SNX24: variants seen among roughly 807,000 people sequenced by gnomAD.
SNX24 encodes sorting nexin-24.
SNX24 carries 22 observed loss-of-function variants against 28.7 expected under a neutral mutation model. The observed-to-expected ratio is 0.77, with a 90% CI of 0.55 to 1.10. SNX24 has a LOEUF of 1.10. Among genes scored for constraint, SNX24 ranks in the 50% least tolerant of loss-of-function variants. The pLI is 0.00. For synonymous variants in SNX24, 69 were observed against 71.5 expected, an observed-to-expected ratio of 0.96 and a Z score of 0.18; for missense variants, 221 against 201.1, an observed-to-expected ratio of 1.10 and a Z score of -0.60.
chr5:122,913,047 C>T (rs1461639653), intron 1 of SNX24, among the ~76,000 whole-genome samples: 3 of 152,184 alleles, frequency 2.0e-5, no homozygotes, highest in African/African-American at 7.2e-5. Context: ...CATAGATCAA[C>T]AGGATCCCAA....
chr5:122,910,946 T>C (rs59118888), intron 1 of SNX24, among the ~76,000 whole-genome samples: 15,961 of 152,094 alleles, frequency 0.1, 1,215 homozygotes, highest in East Asian at 0.36. Flanking sequence ...CATGTGTCTT[T>C]ATAGCAGCAT....
At chr5:122,959,273 TTA>T (rs1261767335) in intron 3 of SNX24, among the ~76,000 whole-genome samples, 1 of 151,100 alleles carries the variant, frequency 6.6e-6, no homozygotes, top group African/African-American at 2.4e-5. Flanking sequence ...TTCATTTAGG[TTA>T]TACGATTTTT....
In SNX24 at chr5:122,852,440, C is replaced by A. The variant is rs571702602; in HGVS notation, c.60+6747C>A. Among the ~76,000 whole-genome samples, 4 of 152,020 alleles carry A rather than the reference C, an allele frequency of 2.6e-5. No individual in the cohort carries two copies. The South Asian group carries it at 8.3e-4, about 32-fold the overall frequency. ...TCACTGCAGTCTTGACCTCCCCAGG[C>A]TCAGGTGATTCCGCCACCTCAGCCT... On this transcript the variant is annotated intron_variant, in intron 1 of 6. Transcript: ENST00000261369.
intron 2 of SNX24, among the ~76,000 whole-genome samples, chr5:122,945,749 T>C (rs1759654268): frequency 6.6e-6 from 1 of 152,194 alleles, no homozygotes; most frequent in Non-Finnish European, 1.5e-5. Context: ...ACTAAATTTC[T>C]TTACTTTCAT....
rs1461974337 is a variant in SNX24, at chr5:122,936,650, A to AAT, written c.61-79_61-78dup. ...TCAGCTACTGTAATTAAAGGGATGA[A>AAT]ATATATCATGGTCACAAACTTACCA... is the stretch of plus-strand genomic sequence containing the variant. On this transcript the variant is annotated intron_variant, in intron 1 of 6. Transcript: ENST00000261369. 6 of 792,096 alleles carry AAT rather than the reference A, an allele frequency of 7.6e-6. No homozygotes were observed. The Admixed American group carries it at 1.4e-4, about 18-fold the overall frequency. The allele number at this position is 792,096 out of a possible 1,614,324, so 49.1% of individuals were successfully genotyped here. A position where few individuals can be genotyped will look rare whatever the true frequency, so the allele number is the denominator to read the frequency against.
At position 122,964,247 on chromosome 5, in the gene SNX24, CAAAAAAAAAAAA is replaced by C. The variant is rs34174497; in HGVS notation, c.249+18102_249+18113del. Among the ~76,000 whole-genome samples the C allele has an allele frequency of 1.1e-3, 40 of 36,578 alleles. No homozygotes were observed. The South Asian group carries it at 0.038, about 34-fold the overall frequency. The allele number at this position is 36,578 out of a possible 152,430, so 24.0% of individuals were successfully genotyped here. A position where few individuals can be genotyped will look rare whatever the true frequency, so the allele number is the denominator to read the frequency against. On this transcript the variant is annotated intron_variant, in intron 3 of 6. Transcript: ENST00000261369. ...GGGCGACAAGAACAAGACTCCATCT[CAAAAAAAAAAAA>C]AAAAAAAAAAAAAGAACAATAGTTC...
intron 1 of SNX24, among the ~76,000 whole-genome samples, chr5:122,904,937 G>A (rs1188251142): frequency 6.6e-6 from 1 of 152,162 alleles, no homozygotes; most frequent in East Asian, 1.9e-4. Flanking sequence ...CCACTCATGA[G>A]CCACCACACA....
In SNX24 at chr5:122,845,754, G is replaced by C. The variant is rs953450701; in HGVS notation, c.60+61G>C. On this transcript the variant is annotated intron_variant, in intron 1 of 6. Coordinates refer to ENST00000261369, the MANE Select transcript of SNX24 (RefSeq NM_014035.4). ...GCCAGGCCTGCGGCTGCTGCGCCCA[G>C]GAAACACCCTTGGCCGCCGCCGCCT... 1.2e-5 allele frequency: 13 copies of C among 1,083,212 alleles called. No individual in the cohort carries two copies. In the African/African-American group the frequency reaches 1.9e-4, roughly 16 times the overall value. 67.1% of individuals were successfully genotyped at this position (1,083,212 alleles called of 1,614,324 possible).
chr5:122,909,210 T>G (rs2150087169), intron 1 of SNX24, among the ~76,000 whole-genome samples: 1 of 152,276 alleles, frequency 6.6e-6, no homozygotes, highest in African/African-American at 2.4e-5. Flanking sequence ...TATGTTAGAA[T>G]GAGGGGTTTT....
At chr5:122,888,615 TG>T (rs1756818515) in intron 1 of SNX24, among the ~76,000 whole-genome samples, 2 of 152,186 alleles carry the variant, frequency 1.3e-5, no homozygotes, top group Admixed American at 1.3e-4. Context: ...GCTCAATATC[TG>T]GTTTCTTGGC....
intron 3 of SNX24, among the ~76,000 whole-genome samples, chr5:122,969,576 G>T (rs983715519): frequency 1.3e-4 from 20 of 152,124 alleles, no homozygotes; most frequent in African/African-American, 4.8e-4. Flanking sequence ...GTTCCAGAGT[G>T]CCTTTCATGT....
chr5:123,001,161 A>C (rs984008368), intron 4 of SNX24, among the ~76,000 whole-genome samples: 2 of 152,254 alleles, frequency 1.3e-5, no homozygotes, highest in African/African-American at 2.4e-5. Context: ...ATACAAGCCC[A>C]AAAGTAGTAA....
At chr5:122,928,558 A>G (rs1214135337) in intron 1 of SNX24, among the ~76,000 whole-genome samples, 2 of 152,052 alleles carry the variant, frequency 1.3e-5, no homozygotes, top group Non-Finnish European at 2.9e-5. Context: ...AGATGGAGAA[A>G]GCGGCTCATG....
chr5:122,976,227 G>A (rs1319979396), intron 3 of SNX24, among the ~76,000 whole-genome samples: 1 of 148,544 alleles, frequency 6.7e-6, no homozygotes, highest in Admixed American at 6.7e-5. Context: ...CTTCTGATCA[G>A]TAACATTCAC....
At chr5:122,999,857 T>C (rs953116177) in intron 3 of SNX24, 55 bp from the exon 4 acceptor site, 27 of 1,013,666 alleles carry the variant, frequency 2.7e-5, no homozygotes, top group Non-Finnish European at 4.3e-5. Context: ...GTTCATTTGA[T>C]TGATCACCTA....
chr5:122,899,095 C>T (rs1054007351), intron 1 of SNX24, among the ~76,000 whole-genome samples: 1 of 152,184 alleles, frequency 6.6e-6, no homozygotes, highest in Admixed American at 6.5e-5. Context: ...CTTTCCCCAC[C>T]TCCTGACAGC....
At chr5:122,972,087 G>T (rs1300757486) in intron 3 of SNX24, among the ~76,000 whole-genome samples, 1 of 152,132 alleles carries the variant, frequency 6.6e-6, no homozygotes, top group African/African-American at 2.4e-5. Flanking sequence ...CATCTTGATA[G>T]TCTTGGTCAG....
chr5:122,881,195 A>G (rs1256051777), intron 1 of SNX24, among the ~76,000 whole-genome samples: 4 of 147,936 alleles, frequency 2.7e-5, no homozygotes, highest in African/African-American at 7.6e-5. Flanking sequence ...AATTTGTTAT[A>G]GGATATATGG....
At chr5:123,018,774 C>G (rs1762722387) in intron 5 of SNX24, among the ~76,000 whole-genome samples, 1 of 151,898 alleles carries the variant, frequency 6.6e-6, no homozygotes, top group South Asian at 2.1e-4. Flanking sequence ...GCAACCTCCG[C>G]CTCCCGGGTT....
Sources: allele counts gnomAD v4.1 joint callset (sites outside exome capture counted in the v4.1 genomes callset), GRCh38; gene constraint gnomAD v4.1.1; transcripts MANE v1.5; gene names NCBI Gene and HGNC (gene_info 2026-07-23, HGNC 2026-07-21).